HSPG2: variants seen among roughly 807,000 people sequenced by gnomAD.
The protein encoded by HSPG2 is basement membrane-specific heparan sulfate proteoglycan core protein.
HSPG2 carries 278 observed loss-of-function variants against 526.6 expected under a neutral mutation model. The ratio of observed to expected loss-of-function variants is 0.53; its 90% CI spans 0.48 to 0.58. The LOEUF (loss-of-function observed/expected upper bound fraction) is 0.58. HSPG2 is among the 20% of genes least tolerant of loss of function. The probability of loss-of-function intolerance (pLI) is 0.00; values close to 1 mark genes in which losing one functional copy is unlikely to be tolerated. For missense variants in HSPG2, 5,354 were observed against 6,099.5 expected (o/e 0.88, Z 4.07); for synonymous variants, 2,465 against 2,555.4 (o/e 0.96, Z 1.07).
chr1:21,920,982 A>T (rs889722111), intron 1 of HSPG2, among the ~76,000 whole-genome samples: 7 of 152,076 alleles, frequency 4.6e-5, no homozygotes, highest in African/African-American at 1.7e-4. Context: ...CCCAACGGCC[A>T]TTGTCACCCT....
At chr1:21,884,501 G>A (rs751311771) in intron 13 of HSPG2, 27 bp downstream of exon 13, 13 of 1,610,518 alleles carry the variant, frequency 8.1e-6, no homozygotes, top group Admixed American at 5.0e-5. Context: ...CCCACCTCCC[G>A]CAGCGCTCAC....
chr1:21,843,818 T>C (rs1050365129), intron 65 of HSPG2, among the ~76,000 whole-genome samples: 75 of 152,286 alleles, frequency 4.9e-4, no homozygotes, highest in African/African-American at 1.8e-3. Context: ...GGCCAATTTT[T>C]GTGTTTTTCG....
Position 21,861,844 on chromosome 1 carries a change from C to G in HSPG2, c.4869-1G>C, listed in dbSNP as rs768528254. The G allele has an allele frequency of 6.2e-7, 1 of 1,613,680 alleles. No homozygotes were observed. Among genetic ancestry groups the G allele is most frequent in the Non-Finnish European group, 8.5e-7 (1 of 1,180,000 alleles). ...CAGGCTCTCACAGGTGCGGGAAAACCTGGGATCGGGGAGGCAAAGGTCAGG... is the reference window on the plus strand; with the variant it reads ...CAGGCTCTCACAGGTGCGGGAAAACGTGGGATCGGGGAGGCAAAGGTCAGG... On this transcript the variant is annotated splice_acceptor_variant, in intron 38 of 96. Transcript: ENST00000374695. LOFTEE classifies it high-confidence loss of function.
At chr1:21,881,131 G>A (rs565588455) in intron 14 of HSPG2, among the ~76,000 whole-genome samples, 92 of 152,308 alleles carry the variant, frequency 6.0e-4, no homozygotes, top group African/African-American at 2.0e-3. Flanking sequence ...GAGGGCTCCC[G>A]GGAGGAGGGG....
rs753706590 is a variant in HSPG2, at chr1:21,846,523, G to C, written c.8241C>G (p.Asn2747Lys). The C allele has an allele frequency of 1.2e-6, 2 of 1,613,774 alleles. No homozygotes were observed. The highest frequency in any genetic ancestry group is 2.7e-5 in the African/African-American group (2 of 75,070). Residue 2747 changes from asparagine (N) to lysine (K), a missense_variant, in exon 63 of 97, where the codon AAC becomes AAG. Physicochemically the swap from Asn to Lys is moderately conservative, Grantham distance 94. Coordinates refer to ENST00000374695, the MANE Select transcript of HSPG2 (RefSeq NM_005529.7). Reference sequence around the variant, plus strand: ...CATGGGCCTGCCCGGGGACCACGCAGTTCAGATCCAGGGTCTCCCCTTCGG... The same window carrying C: ...CATGGGCCTGCCCGGGGACCACGCACTTCAGATCCAGGGTCTCCCCTTCGG... The part of the protein sequence containing the change: ...HVAEGETLDL[N>K]CVVPGQAHAQ...
chr1:21,913,688 G>A (rs1361171044), intron 1 of HSPG2, among the ~76,000 whole-genome samples: 1 of 152,240 alleles, frequency 6.6e-6, no homozygotes, highest in Non-Finnish European at 1.5e-5. Context: ...TGTGTGCTGG[G>A]CACAGGGAAG....
intron 1 of HSPG2, among the ~76,000 whole-genome samples, chr1:21,935,777 G>C (rs1181601510): frequency 6.6e-6 from 1 of 152,236 alleles, no homozygotes; most frequent in Non-Finnish European, 1.5e-5. Flanking sequence ...AAAAGTAAAA[G>C]TCAGTGCCAG....
At position 21,865,142 on chromosome 1, in the gene HSPG2, C is replaced by A. The variant is rs1640127099; in HGVS notation, c.4396-69G>T. ...GGGCTGCTCCTACAGTTACCACCCC[C>A]CAAATCCTGCCTTACAGGCACTGAC... On this transcript the variant is annotated intron_variant, in intron 35 of 96. Coordinates refer to ENST00000374695, the MANE Select transcript of HSPG2 (RefSeq NM_005529.7). The surrounding 1 kb of genome is among the most constrained non-coding windows in gnomAD (Gnocchi z 5.4). 11 of 1,533,088 alleles carry A rather than the reference C, an allele frequency of 7.2e-6. No homozygotes were observed. The highest frequency in any genetic ancestry group is 3.4e-5 in the South Asian group (3 of 88,528). 95.0% of individuals were successfully genotyped at this position (1,533,088 alleles called of 1,614,324 possible).
At chr1:21,900,659 C>G (rs1304028268) in intron 1 of HSPG2, among the ~76,000 whole-genome samples, 1 of 152,116 alleles carries the variant, frequency 6.6e-6, no homozygotes, top group Non-Finnish European at 1.5e-5. Context: ...AGAGCAGGTA[C>G]AGATCACTTG....
chr1:21,916,306 C>G (rs1643887728), intron 1 of HSPG2, among the ~76,000 whole-genome samples: 1 of 151,964 alleles, frequency 6.6e-6, no homozygotes, highest in South Asian at 2.1e-4. Context: ...TCGAGACCAT[C>G]CTGGCTAACA....
rs1326786121 is a variant in HSPG2 at position 21,839,825 on chromosome 1, T to C, written c.9706A>G (p.Thr3236Ala). ...GHTATLRCSA[T>A]GSPAPTIHWS... ...ATGTGCCAGCCCTTGGTCACACCTG[T>C]GGCTGAGCAGCGCAAGGTGGCCGTG... is the stretch of plus-strand genomic sequence containing the variant. Residue 3236 changes from threonine to alanine, a missense_variant, in exon 72 of 97, where the codon ACA becomes GCA. Coordinates refer to ENST00000374695, the MANE Select transcript of HSPG2 (RefSeq NM_005529.7). This position sits in a 1 kb window ranked among gnomAD's most constrained non-coding sequence, Gnocchi z 4.5. 17 of 1,613,306 alleles carry C rather than the reference T, an allele frequency of 1.1e-5. No homozygotes were observed. Among genetic ancestry groups the C allele is most frequent in the Non-Finnish European group, 1.4e-5 (17 of 1,180,000 alleles).
rs779000814 is a variant in HSPG2 at position 21,872,407 on chromosome 1, C to T, written c.4030-30G>A. ...CAGGGGAAAAAGGAGGGGGCGTCAG[C>T]CTGAGCACCGGGGTGCCTTGGTGGG... On this transcript the variant is annotated intron_variant, in intron 32 of 96. Transcript: ENST00000374695. The surrounding 1 kb of genome is among the most constrained non-coding windows in gnomAD (Gnocchi z 5.5). 4 of 1,540,968 alleles carry T rather than the reference C, an allele frequency of 2.6e-6. No homozygotes were observed. The African/African-American group carries it at 4.1e-5, about 16-fold the overall frequency.
chr1:21,884,185 C>T (rs1343011540), intron 13 of HSPG2, among the ~76,000 whole-genome samples: 2 of 152,272 alleles, frequency 1.3e-5, no homozygotes, highest in Middle Eastern at 3.4e-3. Flanking sequence ...TTATTCCACA[C>T]CCCCCGACTT....
Position 21,839,956 on chromosome 1 carries a change from C to T in HSPG2, c.9575G>A (p.Gly3192Asp), listed in dbSNP as rs565589646. 1.9e-6 allele frequency: 3 copies of T among 1,614,120 alleles called. No homozygotes were observed. Among genetic ancestry groups the T allele is most frequent in the South Asian group, 2.2e-5 (2 of 91,078 alleles). The part of the protein sequence containing the change: ...TYVCLAQNAL[G>D]TAQKQVEVIV... ...CACCTCCACCTGCTTCTGTGCTGTG[C>T]CTAGTGCATTCTGAGCAAGGCACAC... The change falls in exon 72 of 97, where the codon GGC becomes GAC. Residue 3192 changes from glycine (G) to aspartate (D), a missense_variant. Transcript: ENST00000374695. This position sits in a 1 kb window ranked among gnomAD's most constrained non-coding sequence, Gnocchi z 4.5.
At position 21,841,291 on chromosome 1, in the gene HSPG2, C is replaced by T. The variant is rs371011609; in HGVS notation, c.9329-6G>A. On this transcript the variant is annotated splice_polypyrimidine_tract_variant and splice_region_variant and intron_variant, in intron 70 of 96. Transcript: ENST00000374695. ...CACGGACACTGTAGGGGGCCCTGTG[C>T]GGAGGAATGACAACCACTGACACAC... 56 of 1,613,372 alleles carry T rather than the reference C, an allele frequency of 3.5e-5. No individual in the cohort carries two copies. The South Asian group carries it at 4.1e-4, about 12-fold the overall frequency.
chr1:21,910,662 CAAAT>C (rs887724920), intron 1 of HSPG2, among the ~76,000 whole-genome samples: 39 of 152,172 alleles, frequency 2.6e-4, no homozygotes, highest in African/African-American at 8.7e-4. Flanking sequence ...CAGTAGGTGC[CAAAT>C]AAATATTTAC....
At position 21,833,558 on chromosome 1, in the gene HSPG2, G is replaced by A; in HGVS notation, c.10887C>T (p.Pro3629=). Residue 3629 remains proline (P), a synonymous_variant, in exon 79 of 97, where the codon CCC becomes CCT. Coordinates refer to ENST00000374695, the MANE Select transcript of HSPG2 (RefSeq NM_005529.7). ...TACCTGCGTCCTGGGGTCGGACTGA[G>A]GGCAGCATCAGCATGTTGTTCTCCA... The part of the protein sequence containing the change: ...SRLENNMLML[P]SVRPQDAGTY... 1 of 1,614,180 alleles carries A rather than the reference G, an allele frequency of 6.2e-7. No homozygotes were observed. The highest frequency in any genetic ancestry group is 8.5e-7 in the Non-Finnish European group (1 of 1,180,018).
At position 21,844,145 on chromosome 1, in the gene HSPG2, T is replaced by C. The variant is rs1210934821; in HGVS notation, c.8616+3A>G. The C allele has an allele frequency of 6.2e-7, 1 of 1,612,762 alleles. No individual in the cohort carries two copies. The highest frequency in any genetic ancestry group is 1.3e-5 in the African/African-American group (1 of 74,926). ...TGCATGCATCCTTCTCCAGCTCCTT[T>C]ACCTGGTGCCGGGCAGGGAGGTTTC... On this transcript the variant is annotated splice_donor_region_variant and intron_variant, in intron 65 of 96. Coordinates refer to ENST00000374695, the MANE Select transcript of HSPG2 (RefSeq NM_005529.7).
intron 33 of HSPG2, among the ~76,000 whole-genome samples, chr1:21,866,984 G>A (rs1640274217): frequency 6.6e-6 from 1 of 152,080 alleles, no homozygotes; most frequent in Admixed American, 6.6e-5. Context: ...ATGCCAGAAA[G>A]TTCACAGCCA....
Sources: gnomAD v4.1 joint callset for allele counts (sites outside exome capture counted in the v4.1 genomes callset) on GRCh38, gnomAD v4.1.1 for gene constraint, Gnocchi (gnomAD v3.1) non-coding constraint, MANE v1.5 for transcripts, NCBI Gene and HGNC (gene_info 2026-07-23, HGNC 2026-07-21) for gene names.